AUH: variants seen among roughly 807,000 people sequenced by gnomAD.
AUH encodes the protein methylglutaconyl-CoA hydratase, mitochondrial.
AUH carries 29 observed loss-of-function variants against 42.3 expected under a neutral mutation model. That is an observed-to-expected ratio of 0.69 (90% CI 0.51 to 0.93). The LOEUF is 0.93. Among genes scored for constraint, AUH ranks in the 40% least tolerant of loss-of-function variants. The pLI is 0.00. For synonymous variants in AUH, 174 were observed against 166.4 expected, an observed-to-expected ratio of 1.05 and a Z score of -0.35; for missense variants, 452 against 438.1, an observed-to-expected ratio of 1.03 and a Z score of -0.28.
At chr9:91,360,801 T>C (rs969447503) in intron 1 of AUH, among the ~76,000 whole-genome samples, 8 of 152,206 alleles carry the variant, frequency 5.3e-5, no homozygotes, top group African/African-American at 1.9e-4. Flanking sequence ...TAACAGATTA[T>C]AGGTGCTCAA....
intron 4 of AUH, among the ~76,000 whole-genome samples, chr9:91,306,695 T>C (rs930006290): frequency 3.9e-5 from 6 of 152,234 alleles, no homozygotes; most frequent in Non-Finnish European, 2.9e-5. Flanking sequence ...ACAATACAGT[T>C]TGAGGAGCTC....
intron 4 of AUH, among the ~76,000 whole-genome samples, chr9:91,322,483 C>T (rs1829657605): frequency 6.6e-6 from 1 of 152,230 alleles, no homozygotes; most frequent in African/African-American, 2.4e-5. Flanking sequence ...TGAGAAGAGG[C>T]AGAATAGACA....
intron 4 of AUH, among the ~76,000 whole-genome samples, chr9:91,324,984 C>T (rs542153823): frequency 4.4e-4 from 66 of 151,688 alleles, no homozygotes; most frequent in Non-Finnish European, 7.5e-4. Context: ...AAGTATGATC[C>T]TGTATATTTA....
chr9:91,245,057 C>A (rs1041928607), intron 6 of AUH, among the ~76,000 whole-genome samples: 6 of 152,118 alleles, frequency 3.9e-5, no homozygotes, highest in African/African-American at 1.4e-4. Context: ...AGAGCAACAA[C>A]AATTAGTTGA....
At chr9:91,301,313 C>G (rs1244385829) in intron 4 of AUH, among the ~76,000 whole-genome samples, 1 of 152,190 alleles carries the variant, frequency 6.6e-6, no homozygotes, top group East Asian at 1.9e-4. Context: ...ACACACAGCT[C>G]TTAAAACCCT....
chr9:91,288,049 G>C (rs903075426), intron 6 of AUH, among the ~76,000 whole-genome samples: 2 of 151,966 alleles, frequency 1.3e-5, no homozygotes, highest in African/African-American at 4.8e-5. Flanking sequence ...CCTCCCCCCA[G>C]AAGCTGGGGG....
rs576123289 is a variant in AUH at position 91,328,569 on chromosome 9, G to A, written c.419-3165C>T. On this transcript the variant is annotated intron_variant, in intron 3 of 9. Coordinates refer to ENST00000375731, the MANE Select transcript of AUH (RefSeq NM_001698.3). ...GAAATCTCTGTAATCTCCTGGAAGT[G>A]GGGAGACAAACACTGGCAGTGAAGA... Among the ~76,000 whole-genome samples, 22 of 152,248 alleles carry A rather than the reference G, an allele frequency of 1.4e-4. No homozygotes were observed. In the South Asian group the frequency reaches 4.6e-3, roughly 32 times the overall value.
intron 4 of AUH, among the ~76,000 whole-genome samples, chr9:91,300,701 G>A (rs906553824): frequency 1.3e-5 from 2 of 152,188 alleles, no homozygotes; most frequent in African/African-American, 4.8e-5. Context: ...GAAGGCACCT[G>A]GAACTAAGTT....
intron 4 of AUH, among the ~76,000 whole-genome samples, chr9:91,323,271 AAAG>A (rs1285536917): frequency 6.6e-6 from 1 of 152,234 alleles, no homozygotes; most frequent in Non-Finnish European, 1.5e-5. Context: ...CAAGAAAATT[AAAG>A]AAGAATTAAC....
At chr9:91,343,616 T>C (rs1230757518) in intron 3 of AUH, among the ~76,000 whole-genome samples, 1 of 151,970 alleles carries the variant, frequency 6.6e-6, no homozygotes, top group East Asian at 1.9e-4. Context: ...ATACAAAAAT[T>C]AGCCAGGTGT....
At chr9:91,311,887 T>C (rs1000667999) in intron 4 of AUH, among the ~76,000 whole-genome samples, 2 of 152,258 alleles carry the variant, frequency 1.3e-5, no homozygotes, top group Non-Finnish European at 2.9e-5. Flanking sequence ...ATCAGTTTAC[T>C]GCTTCTAATC....
chr9:91,326,604 C>T (rs1012105645), intron 3 of AUH, among the ~76,000 whole-genome samples: 12 of 151,914 alleles, frequency 7.9e-5, no homozygotes, highest in Non-Finnish European at 1.5e-4. Flanking sequence ...GGATAATGAA[C>T]ACAAATTTTA....
chr9:91,232,833 A>C (rs536805893), intron 6 of AUH, among the ~76,000 whole-genome samples: 1 of 152,388 alleles, frequency 6.6e-6, no homozygotes, highest in Admixed American at 6.5e-5. Context: ...CTGAAGAGGC[A>C]GCAGAATCTA....
chr9:91,266,524 A>G (rs1829987243), intron 6 of AUH, among the ~76,000 whole-genome samples: 2 of 152,256 alleles, frequency 1.3e-5, no homozygotes, highest in African/African-American at 2.4e-5. Flanking sequence ...TGTGGCCTCT[A>G]CAATAATAAA....
chr9:91,289,458 G>A (rs1826680454), intron 6 of AUH, among the ~76,000 whole-genome samples: 2 of 152,304 alleles, frequency 1.3e-5, no homozygotes, highest in African/African-American at 4.8e-5. Context: ...AGCCTTCCCT[G>A]CAGAGTGCAC....
At chr9:91,340,003 A>G (rs1830985506) in intron 3 of AUH, among the ~76,000 whole-genome samples, 1 of 152,226 alleles carries the variant, frequency 6.6e-6, no homozygotes, top group Non-Finnish European at 1.5e-5. Flanking sequence ...AGCTCCAGTA[A>G]AATGCACTAG....
At position 91,298,446 on chromosome 9, in the gene AUH, A is replaced by T. The variant is rs762518605; in HGVS notation, c.506-370T>A. On this transcript the variant is annotated intron_variant, in intron 4 of 9. Coordinates refer to ENST00000375731, the MANE Select transcript of AUH (RefSeq NM_001698.3). ...AAGTTCAAATTGAAATGACTTATAC[A>T]TAATTGTGAAATTTATGATCCTTTA... is the stretch of plus-strand genomic sequence containing the variant. Among the ~76,000 whole-genome samples, 5 of 152,230 alleles carry T rather than the reference A, an allele frequency of 3.3e-5. No homozygotes were observed. The East Asian group carries it at 9.6e-4, about 29-fold the overall frequency.
chr9:91,246,855 A>G (rs1347519216), intron 6 of AUH, among the ~76,000 whole-genome samples: 1 of 152,282 alleles, frequency 6.6e-6, no homozygotes, highest in Non-Finnish European at 1.5e-5. Flanking sequence ...CTGAAAAGCC[A>G]CATGATGAGG....
At position 91,217,240 on chromosome 9, in the gene AUH, C is replaced by G. The variant is rs759318765; in HGVS notation, c.894+37G>C. The G allele has an allele frequency of 6.3e-6, 10 of 1,588,794 alleles. No homozygotes were observed. In the African/African-American group the frequency reaches 1.2e-4, roughly 19 times the overall value. ...TTCATTTAAATTAAATCTCCACTCT[C>G]CATTCCCAAAACAAACTCAAGCATT... On this transcript the variant is annotated intron_variant, in intron 8 of 9. Transcript: ENST00000375731.
Sources: gnomAD v4.1 joint callset for allele counts (sites outside exome capture counted in the v4.1 genomes callset) on GRCh38, gnomAD v4.1.1 for gene constraint, MANE v1.5 for transcripts, NCBI Gene and HGNC (gene_info 2026-07-23, HGNC 2026-07-21) for gene names.